The following GCSH variants were observed in gnomAD, a reference collection of about 807,000 sequenced individuals.
The protein encoded by GCSH is glycine cleavage system protein H, also known as glycine cleavage system H protein, mitochondrial.
GCSH carries 15 observed loss-of-function variants against 21.3 expected under a neutral mutation model. The ratio of observed to expected loss-of-function variants is 0.70; its 90% CI spans 0.47 to 1.08. The LOEUF is 1.08. Ranked by LOEUF, GCSH falls within the 50% of genes least tolerant of loss-of-function variation. The pLI is 0.00. For missense variants in GCSH, 179 were observed against 217.5 expected (o/e 0.82, Z 1.11); for synonymous variants, 59 against 84.5 (o/e 0.70, Z 1.66).
At chr16:81,091,540 GAAT>G (rs1178139551) in intron 1 of GCSH, among the ~76,000 whole-genome samples, 2 of 152,154 alleles carry the variant, frequency 1.3e-5, no homozygotes, top group African/African-American at 4.8e-5. Context: ...TTGCCTTAGA[GAAT>G]AATATTTTTT....
At chr16:81,090,844 A>G (rs1243756963) in intron 1 of GCSH, 164 bp from the exon 2 acceptor site, 2 of 685,966 alleles carry the variant, frequency 2.9e-6, no homozygotes, top group African/African-American at 3.5e-5. Context: ...TCATGTATAG[A>G]GATGACGCAT....
At chr16:81,086,487 G>T (rs1177621030) in intron 3 of GCSH, among the ~76,000 whole-genome samples, 2 of 152,064 alleles carry the variant, frequency 1.3e-5, no homozygotes, top group Non-Finnish European at 2.9e-5. Flanking sequence ...AACCTAGGAG[G>T]CGGAGGTTGC....
chr16:81,095,766 C>T (rs182887039), intron 1 of GCSH, among the ~76,000 whole-genome samples: 12 of 152,294 alleles, frequency 7.9e-5, no homozygotes, highest in African/African-American at 1.9e-4. Context: ...ACGATGCACG[C>T]AGATGGGAGA....
chr16:81,084,217 A>T, intron 4 of GCSH: 1 of 587,100 alleles, frequency 1.7e-6, no homozygotes, highest in Non-Finnish European at 3.0e-6. Flanking sequence ...GGACTAAAGC[A>T]ATCCACCCAC....
chr16:81,089,761 T>G (rs950324319), intron 2 of GCSH, among the ~76,000 whole-genome samples: 2 of 152,144 alleles, frequency 1.3e-5, no homozygotes, highest in Non-Finnish European at 2.9e-5. Flanking sequence ...TTAAACAGTA[T>G]CGCCATATGG....
chr16:81,091,810 T>TG lies in GCSH; in HGVS notation c.149-1131dup, dbSNP rs540541460. Among the ~76,000 whole-genome samples, 65 of 151,982 alleles carry TG rather than the reference T, an allele frequency of 4.3e-4. No homozygotes were observed. In the South Asian group the frequency reaches 5.4e-3, roughly 13 times the overall value. On this transcript the variant is annotated intron_variant, in intron 1 of 4. Transcript: ENST00000315467. ...TTTTTATTTTTTATTTTTGTAGAGA[T>TG]GGGGGGGTCTATGTTGTCCAGACTG...
chr16:81,094,415 G>C lies in GCSH; in HGVS notation c.148+1716C>G, dbSNP rs143770781. On this transcript the variant is annotated intron_variant, in intron 1 of 4. Transcript: ENST00000315467. ...AGCTACTCCACAGGCTGAGGCAGGA[G>C]AAGTGTTTGAACCCGGGAAGCGAAG... 4.3e-3 allele frequency among the ~76,000 whole-genome samples: 651 copies of C among 151,430 alleles called. 4 individuals carry two copies. The highest frequency in any genetic ancestry group is 6.1e-3 in the Non-Finnish European group (417 of 67,912).
At position 81,096,368 on chromosome 16, in the gene GCSH, G is replaced by T; in HGVS notation, c.-90C>A. 8.4e-7 allele frequency: 1 copy of T among 1,188,126 alleles called. No individual in the cohort carries two copies. The highest frequency in any genetic ancestry group is 1.1e-6 in the Non-Finnish European group (1 of 915,632). The allele number at this position is 1,188,126 out of a possible 1,614,324, so 73.6% of individuals were successfully genotyped here. ...GAGGGGCAGTTCGCGGCCGGAGGGA[G>T]CCGGCTGGATGGAGGCGCGGAGGCG... On this transcript the variant is annotated 5_prime_UTR_variant, in exon 1 of 5. Coordinates refer to ENST00000315467, the MANE Select transcript of GCSH (RefSeq NM_004483.5).
Position 81,082,075 on chromosome 16 carries a change from C to CCTCTTCTTT in GCSH, c.*782_*790dup. The CCTCTTCTTT allele has an allele frequency of 2.2e-6, 1 of 454,094 alleles. No individual in the cohort carries two copies. Among genetic ancestry groups the CCTCTTCTTT allele is most frequent in the East Asian group, 6.9e-5 (1 of 14,402 alleles). The allele number at this position is 454,094 out of a possible 1,614,324, so 28.1% of individuals were successfully genotyped here. A position where few individuals can be genotyped will look rare whatever the true frequency, so the allele number is the denominator to read the frequency against. ...AAAACTTCCACCTTCCTCTGTCTTT[C>CCTCTTCTTT]CTCTTCTTTCTTCAGACCTCGCATG... On this transcript the variant is annotated 3_prime_UTR_variant, in exon 5 of 5. Coordinates refer to ENST00000315467, the MANE Select transcript of GCSH (RefSeq NM_004483.5).
rs763182926 is a variant in GCSH at position 81,082,814 on chromosome 16, C to T, written c.*52G>A. The T allele has an allele frequency of 3.2e-5, 27 of 844,332 alleles. No homozygotes were observed. Among genetic ancestry groups the T allele is most frequent in the Non-Finnish European group, 4.9e-5 (24 of 489,236 alleles). 52.3% of individuals were successfully genotyped at this position (844,332 alleles called of 1,614,324 possible). A position where few individuals can be genotyped will look rare whatever the true frequency, so the allele number is the denominator to read the frequency against. ...TCTTCTATCCACCACTAATTTAAGACAACTCTGCTGGCTTGCGTTATTTCA... is the reference window on the plus strand; with the variant it reads ...TCTTCTATCCACCACTAATTTAAGATAACTCTGCTGGCTTGCGTTATTTCA... On this transcript the variant is annotated 3_prime_UTR_variant, in exon 5 of 5. Coordinates refer to ENST00000315467, the MANE Select transcript of GCSH (RefSeq NM_004483.5).
intron 1 of GCSH, among the ~76,000 whole-genome samples, chr16:81,092,253 C>G (rs1334790691): frequency 6.6e-6 from 1 of 152,054 alleles, no homozygotes; most frequent in Non-Finnish European, 1.5e-5. Flanking sequence ...GTACCACTAT[C>G]CCCCAGCACA....
chr16:81,084,995 A>G (rs183033942), intron 3 of GCSH, among the ~76,000 whole-genome samples: 15,318 of 138,506 alleles, frequency 0.11, 888 homozygotes, highest in East Asian at 0.21. Flanking sequence ...GATTATAGGC[A>G]TAAGCCACTG....
chr16:81,091,527 T>C (rs556007401), intron 1 of GCSH, among the ~76,000 whole-genome samples: 1 of 152,348 alleles, frequency 6.6e-6, no homozygotes, highest in East Asian at 1.9e-4. Flanking sequence ...AAGTTAAAAG[T>C]ACTTGCCTTA....
chr16:81,086,487 G>C (rs1177621030), intron 3 of GCSH, among the ~76,000 whole-genome samples: 4 of 152,182 alleles, frequency 2.6e-5, no homozygotes, highest in Admixed American at 2.6e-4. Context: ...AACCTAGGAG[G>C]CGGAGGTTGC....
Position 81,090,638 on chromosome 16 carries a change from T to C in GCSH, c.191A>G (p.Asn64Ser), listed in dbSNP as rs1394744825. The part of the protein sequence containing the change: ...TEKHEWVTTE[N>S]GIGTVGISNF... ...GCTGATTCCCACTGTTCCAATGCCA[T>C]TTTCTGTTGTTACCCATTCGTGTTT... Residue 64 changes from asparagine (N) to serine (S), a missense_variant, in exon 2 of 5, where the codon AAT (asparagine) becomes AGT (serine). By Grantham distance (46) the Asn-to-Ser change is conservative. Coordinates refer to ENST00000315467, the MANE Select transcript of GCSH (RefSeq NM_004483.5). The C allele has an allele frequency of 6.2e-7, 1 of 1,612,888 alleles. No individual in the cohort carries two copies. Among genetic ancestry groups the C allele is most frequent in the Non-Finnish European group, 8.5e-7 (1 of 1,178,900 alleles).
chr16:81,089,880 A>G (rs1270260833), intron 2 of GCSH, among the ~76,000 whole-genome samples: 1 of 152,160 alleles, frequency 6.6e-6, no homozygotes, highest in Non-Finnish European at 1.5e-5. Context: ...TCACGTGTGT[A>G]TCACTGGACC....
At chr16:81,086,976 T>G (rs1478326330) in intron 3 of GCSH, among the ~76,000 whole-genome samples, 3 of 152,232 alleles carry the variant, frequency 2.0e-5, no homozygotes, top group African/African-American at 7.2e-5. Context: ...AGATTTTACA[T>G]CAAGTTAAAA....
At chr16:81,088,922 A>C (rs769747666) in intron 2 of GCSH, among the ~76,000 whole-genome samples, 1 of 152,156 alleles carries the variant, frequency 6.6e-6, no homozygotes, top group Non-Finnish European at 1.5e-5. Context: ...GCCATCATGT[A>C]ATGTTTGCAA....
At chr16:81,088,065 G>C (rs1223691524) in intron 2 of GCSH, among the ~76,000 whole-genome samples, 1 of 152,098 alleles carries the variant, frequency 6.6e-6, no homozygotes, top group East Asian at 1.9e-4. Flanking sequence ...GGCAGAGGTT[G>C]CAGTGAGTTG....
Sources: allele counts gnomAD v4.1 joint callset (sites outside exome capture counted in the v4.1 genomes callset), GRCh38; gene constraint gnomAD v4.1.1; transcripts MANE v1.5; gene names NCBI Gene and HGNC (gene_info 2026-07-23, HGNC 2026-07-21).